ADAMTSL3: variants seen among roughly 807,000 people sequenced by gnomAD.
ADAMTSL3 encodes ADAMTS like 3, also known as ADAMTS-like protein 3.
ADAMTSL3 carries 128 observed loss-of-function variants against 201.7 expected under a neutral mutation model. The observed-to-expected ratio is 0.63, with a 90% CI of 0.55 to 0.73. ADAMTSL3 has a LOEUF of 0.73. Ranked by LOEUF, ADAMTSL3 falls within the 30% of genes least tolerant of loss-of-function variation. The pLI is 0.00. For synonymous variants in ADAMTSL3, 738 were observed against 748.4 expected (o/e 0.99, Z 0.23); for missense variants, 1,990 against 2,119.6 (o/e 0.94, Z 1.20).
Position 84,038,092 on chromosome 15 carries a change from C to G in ADAMTSL3, c.*286C>G. Reference sequence around the variant, plus strand: ...CATGTCAGTTGAATCGAGAAATCACCAAGATTATGAGTGCATCCTCACGTG... The same window carrying G: ...CATGTCAGTTGAATCGAGAAATCACGAAGATTATGAGTGCATCCTCACGTG... On this transcript the variant is annotated 3_prime_UTR_variant, in exon 30 of 30. Transcript: ENST00000286744. The G allele has an allele frequency of 2.7e-6, 1 of 371,492 alleles. No homozygotes were observed. The highest frequency in any genetic ancestry group is 4.8e-6 in the Non-Finnish European group (1 of 207,804). The allele number at this position is 371,492 out of a possible 1,614,324, so 23.0% of individuals were successfully genotyped here.
intron 3 of ADAMTSL3, among the ~76,000 whole-genome samples, chr15:83,734,834 T>C (rs1366918502): frequency 6.6e-6 from 1 of 152,126 alleles, no homozygotes; most frequent in Non-Finnish European, 1.5e-5. Flanking sequence ...ATATATTCTC[T>C]GGATTCTCCT....
At chr15:83,856,686 A>C (rs185363402) in intron 7 of ADAMTSL3, among the ~76,000 whole-genome samples, 104 of 152,318 alleles carry the variant, frequency 6.8e-4, no homozygotes, top group Non-Finnish European at 1.2e-3. Context: ...TTTGTAGAGC[A>C]AAAACAGCCT....
chr15:83,670,458 G>C (rs1295157390), intron 2 of ADAMTSL3, among the ~76,000 whole-genome samples: 1 of 151,768 alleles, frequency 6.6e-6, no homozygotes, highest in Non-Finnish European at 1.5e-5. Context: ...TTTTGACTGT[G>C]ACTCACAGGA....
chr15:83,692,837 G>A (rs2061631488), intron 2 of ADAMTSL3, among the ~76,000 whole-genome samples: 1 of 152,130 alleles, frequency 6.6e-6, no homozygotes, highest in South Asian at 2.1e-4. Context: ...ACGTTTTTCG[G>A]AGTATGTGCA....
At chr15:83,893,188 G>C (rs1173521597) in intron 13 of ADAMTSL3, among the ~76,000 whole-genome samples, 2 of 152,226 alleles carry the variant, frequency 1.3e-5, no homozygotes, top group Admixed American at 6.5e-5. Flanking sequence ...TGTTGAAGCA[G>C]AGTCAATCAG....
intron 21 of ADAMTSL3, among the ~76,000 whole-genome samples, chr15:83,987,173 T>C (rs2067495491): frequency 6.6e-6 from 1 of 152,248 alleles, no homozygotes; most frequent in South Asian, 2.1e-4. Flanking sequence ...CAACTATTTC[T>C]CCTCCATCAG....
chr15:83,810,593 G>A (rs2063678126), intron 5 of ADAMTSL3, among the ~76,000 whole-genome samples: 1 of 152,198 alleles, frequency 6.6e-6, no homozygotes, highest in Admixed American at 6.5e-5. Context: ...TAACATATAG[G>A]CAGGGCTACA....
At chr15:83,883,164 A>C (rs2065310991) in intron 9 of ADAMTSL3, among the ~76,000 whole-genome samples, 1 of 149,842 alleles carries the variant, frequency 6.7e-6, no homozygotes, top group South Asian at 2.1e-4. Flanking sequence ...ATTTTATTTT[A>C]TTTTATTTTA....
In ADAMTSL3 at chr15:83,870,905, C is replaced by G; in HGVS notation, c.906C>G (p.Ser302=). The G allele has an allele frequency of 6.2e-7, 1 of 1,613,364 alleles. No individual in the cohort carries two copies. Among genetic ancestry groups the G allele is most frequent in the Non-Finnish European group, 8.5e-7 (1 of 1,179,742 alleles). ...CAACAGTGGAATTTCAGAGGGGCTC[C>G]GAGAGGCAAACTTTTAAGATTCCAG... ...ENTTVEFQRG[S]ERQTFKIPGP... Residue 302 remains serine (S), a synonymous_variant, in exon 9 of 30, where the codon TCC becomes TCG. Transcript: ENST00000286744.
intron 2 of ADAMTSL3, among the ~76,000 whole-genome samples, chr15:83,688,894 C>T (rs978435252): frequency 1.3e-5 from 2 of 152,118 alleles, no homozygotes; most frequent in African/African-American, 4.8e-5. Context: ...CTGCAGCTTC[C>T]ACCTCCTGGG....
chr15:83,685,689 T>C (rs963580416), intron 2 of ADAMTSL3, among the ~76,000 whole-genome samples: 15 of 152,198 alleles, frequency 9.9e-5, no homozygotes, highest in Admixed American at 4.6e-4. Flanking sequence ...CTAACTGTTA[T>C]ATTAGACAGC....
intron 23 of ADAMTSL3, among the ~76,000 whole-genome samples, chr15:83,993,160 T>C (rs2067615200): frequency 6.6e-6 from 1 of 152,240 alleles, no homozygotes; most frequent in Non-Finnish European, 1.5e-5. Flanking sequence ...TGGAGTTTTC[T>C]AGGGAAATTC....
intron 28 of ADAMTSL3, among the ~76,000 whole-genome samples, chr15:84,034,632 T>C (rs1025687977): frequency 1.3e-5 from 2 of 152,192 alleles, no homozygotes; most frequent in Non-Finnish European, 2.9e-5. Flanking sequence ...ATAAAGATGC[T>C]TGGGCCTCAC....
At chr15:83,751,924 A>G (rs2062642698) in intron 3 of ADAMTSL3, among the ~76,000 whole-genome samples, 1 of 152,238 alleles carries the variant, frequency 6.6e-6, no homozygotes, top group African/African-American at 2.4e-5. Context: ...AGTAAAAATC[A>G]TCAATAGTAG....
At chr15:83,930,485 G>A (rs2066335438) in intron 17 of ADAMTSL3, among the ~76,000 whole-genome samples, 1 of 152,160 alleles carries the variant, frequency 6.6e-6, no homozygotes, top group Non-Finnish European at 1.5e-5. Context: ...TAAATTTACT[G>A]AAGAAAGCTT....
intron 15 of ADAMTSL3, among the ~76,000 whole-genome samples, chr15:83,904,729 G>A (rs1486705827): frequency 3.9e-5 from 6 of 152,148 alleles, no homozygotes; most frequent in Admixed American, 2.6e-4. Context: ...GAGCCTCTTC[G>A]TTTGTTTCTG....
intron 19 of ADAMTSL3, among the ~76,000 whole-genome samples, chr15:83,965,474 G>T (rs2067064901): frequency 6.6e-6 from 1 of 151,448 alleles, no homozygotes; most frequent in African/African-American, 2.4e-5. Context: ...AATGCAACAA[G>T]AAGAGCTAAC....
chr15:83,983,749 A>G (rs1223531235), intron 21 of ADAMTSL3, among the ~76,000 whole-genome samples: 4 of 152,220 alleles, frequency 2.6e-5, no homozygotes, highest in Non-Finnish European at 5.9e-5. Flanking sequence ...GAGATGTGGT[A>G]TCTTATTTGA....
chr15:84,016,697 C>G (rs1288631774), intron 25 of ADAMTSL3, among the ~76,000 whole-genome samples, 198 bp downstream of exon 25: 1 of 152,128 alleles, frequency 6.6e-6, no homozygotes, highest in African/African-American at 2.4e-5. Context: ...TTAGAAAAAT[C>G]CACTCCTGAG....
Sources: gnomAD v4.1 joint callset for allele counts (sites outside exome capture counted in the v4.1 genomes callset) on GRCh38, gnomAD v4.1.1 for gene constraint, MANE v1.5 for transcripts, NCBI Gene and HGNC (gene_info 2026-07-23, HGNC 2026-07-21) for gene names.